The following ADGRG7 variants were observed in gnomAD, a reference collection of about 807,000 sequenced individuals.
The protein encoded by ADGRG7 is G-protein coupled receptor 128.
A neutral mutation model predicts 88.6 loss-of-function variants in ADGRG7; 82 were observed. The observed-to-expected ratio is 0.93, with a 90% CI of 0.77 to 1.11. The LOEUF (loss-of-function observed/expected upper bound fraction) is 1.11. ADGRG7 is among the 50% of genes most tolerant of loss of function. The pLI is 0.00. For missense variants in ADGRG7, 945 were observed against 953.4 expected, an observed-to-expected ratio of 0.99 and a Z score of 0.12; for synonymous variants, 381 against 345.2, an observed-to-expected ratio of 1.10 and a Z score of -1.15.
chr3:100,628,773 A>G (rs190863002), intron 1 of ADGRG7, among the ~76,000 whole-genome samples: 8 of 152,314 alleles, frequency 5.3e-5, no homozygotes, highest in Non-Finnish European at 7.3e-5. Flanking sequence ...TTTCTCAGGT[A>G]TGCTTCCTGA....
chr3:100,691,836 A>C (rs940453938), intron 15 of ADGRG7, among the ~76,000 whole-genome samples: 1 of 151,878 alleles, frequency 6.6e-6, no homozygotes, highest in Admixed American at 6.6e-5. Flanking sequence ...TTACCCTATA[A>C]AATTAACTTT....
intron 15 of ADGRG7, among the ~76,000 whole-genome samples, chr3:100,672,858 T>C (rs939181679): frequency 2.0e-5 from 3 of 152,176 alleles, no homozygotes; most frequent in African/African-American, 7.2e-5. Context: ...ATGGATTACA[T>C]TTGTTGATTT....
chr3:100,668,986 A>G lies in ADGRG7; in HGVS notation c.2017A>G (p.Thr673Ala). 1 of 1,603,742 alleles carries G rather than the reference A, an allele frequency of 6.2e-7. No individual in the cohort carries two copies. Among genetic ancestry groups the G allele is most frequent in the Non-Finnish European group, 8.5e-7 (1 of 1,176,272 alleles). Residue 673 changes from threonine to alanine, a missense_variant, in exon 15 of 16, where the codon ACA becomes GCA. Physicochemically the swap from Thr to Ala is moderately conservative, Grantham distance 58. Transcript: ENST00000273352. Reference protein sequence around the residue: ...KVSSMKKIVSTLSVAVVFGIT... With the variant: ...KVSSMKKIVSALSVAVVFGIT... Reference sequence around the variant, plus strand: ...TTCATCCATGAAGAAGATTGTTAGCACATTATCTGTTGCAGTTGTTTTTGG... The same window carrying G: ...TTCATCCATGAAGAAGATTGTTAGCGCATTATCTGTTGCAGTTGTTTTTGG...
At chr3:100,686,616 T>C (rs537195573) in intron 15 of ADGRG7, among the ~76,000 whole-genome samples, 53 of 152,280 alleles carry the variant, frequency 3.5e-4, no homozygotes, top group African/African-American at 1.2e-3. Flanking sequence ...TTCCCAGCAC[T>C]ATTTATTAAA....
At chr3:100,690,653 G>C (rs1020411993) in intron 15 of ADGRG7, among the ~76,000 whole-genome samples, 3 of 152,158 alleles carry the variant, frequency 2.0e-5, no homozygotes, top group Non-Finnish European at 2.9e-5. Flanking sequence ...TGTTTGCCTG[G>C]GTATCAGCAG....
At position 100,646,724 on chromosome 3, in the gene ADGRG7, G is replaced by A. The variant is rs766345376; in HGVS notation, c.1266G>A (p.Met422Ile). 5 of 1,613,542 alleles carry A rather than the reference G, an allele frequency of 3.1e-6. No individual in the cohort carries two copies. The highest frequency in any genetic ancestry group is 4.2e-6 in the Non-Finnish European group (5 of 1,179,622). ...CNHTTNFAVLMTFKKDYQYPK... is the reference protein window; with the variant it reads ...CNHTTNFAVLITFKKDYQYPK... ...ATACTACTAATTTTGCTGTATTAATGGTAAGGATATACATAGCAATCTCTT... is the reference window on the plus strand; with the variant it reads ...ATACTACTAATTTTGCTGTATTAATAGTAAGGATATACATAGCAATCTCTT... The change falls in exon 10 of 16, where the codon ATG (methionine) becomes ATA (isoleucine). Residue 422 changes from methionine (M) to isoleucine (I), a missense_variant and splice_region_variant. Transcript: ENST00000273352.
At chr3:100,631,171 A>G (rs1707455735) in intron 3 of ADGRG7, among the ~76,000 whole-genome samples, 1 of 151,914 alleles carries the variant, frequency 6.6e-6, no homozygotes, top group Non-Finnish European at 1.5e-5. Flanking sequence ...TATCATATCT[A>G]TTTTCAGATT....
At chr3:100,644,109 A>G (rs16842472) in intron 8 of ADGRG7, among the ~76,000 whole-genome samples, 3,537 of 152,184 alleles carry the variant, frequency 0.023, 111 homozygotes, top group African/African-American at 0.069. Context: ...GGTGCCCACC[A>G]TGTGCTCACT....
intron 1 of ADGRG7, among the ~76,000 whole-genome samples, chr3:100,610,506 AT>A (rs1707131495): frequency 6.6e-6 from 1 of 152,162 alleles, no homozygotes; most frequent in Admixed American, 6.5e-5. Context: ...CTAATCAAAA[AT>A]TTAAAAACCA....
chr3:100,687,682 T>C (rs2094985256), intron 15 of ADGRG7, among the ~76,000 whole-genome samples: 1 of 152,250 alleles, frequency 6.6e-6, no homozygotes, highest in Admixed American at 6.5e-5. Flanking sequence ...ATTATGTTTA[T>C]TGATTTTCGT....
At chr3:100,679,892 G>A (rs186873108) in intron 15 of ADGRG7, among the ~76,000 whole-genome samples, 9 of 152,248 alleles carry the variant, frequency 5.9e-5, no homozygotes, top group Admixed American at 5.9e-4. Flanking sequence ...TAAATTTATT[G>A]AGTCTGGTTT....
At chr3:100,629,992 T>A (rs928074808) in intron 2 of ADGRG7, among the ~76,000 whole-genome samples, 1 of 152,148 alleles carries the variant, frequency 6.6e-6, no homozygotes, top group Non-Finnish European at 1.5e-5. Context: ...TCCAGGGCAA[T>A]GAATGACATG....
chr3:100,650,625 A>C (rs190658580), intron 11 of ADGRG7, among the ~76,000 whole-genome samples: 1 of 152,180 alleles, frequency 6.6e-6, no homozygotes. Context: ...TTTTAGTGTG[A>C]CACAACAAGA....
At chr3:100,661,308 A>T (rs1156590433) in intron 14 of ADGRG7, among the ~76,000 whole-genome samples, 2 of 152,268 alleles carry the variant, frequency 1.3e-5, no homozygotes, top group East Asian at 3.9e-4. Flanking sequence ...ACTTAATAAA[A>T]GCAAGCATGT....
intron 15 of ADGRG7, among the ~76,000 whole-genome samples, chr3:100,685,928 T>C (rs1302486865): frequency 6.6e-6 from 1 of 151,510 alleles, no homozygotes; most frequent in African/African-American, 2.4e-5. Flanking sequence ...TTTCTAGTTC[T>C]AGATCCCTGA....
intron 10 of ADGRG7, 37 bp from the exon 11 acceptor site, chr3:100,649,658 G>T: frequency 8.9e-7 from 1 of 1,119,592 alleles, no homozygotes; most frequent in South Asian, 1.3e-5. Flanking sequence ...CTTCAGGGAT[G>T]ACTAATTAAA....
chr3:100,656,116 A>G (rs2094937180), intron 13 of ADGRG7, 121 bp downstream of exon 13: 1 of 542,972 alleles, frequency 1.8e-6, no homozygotes, highest in Non-Finnish European at 3.4e-6. Flanking sequence ...GTTTAGTGGT[A>G]GACATTTGAA....
chr3:100,663,238 T>C (rs1056066752), intron 14 of ADGRG7, among the ~76,000 whole-genome samples: 3 of 152,204 alleles, frequency 2.0e-5, no homozygotes, highest in Non-Finnish European at 4.4e-5. Context: ...AATAAGGAAC[T>C]TCATTTAAAA....
At chr3:100,652,799 A>G (rs2094931702) in intron 11 of ADGRG7, among the ~76,000 whole-genome samples, 1 of 151,840 alleles carries the variant, frequency 6.6e-6, no homozygotes, top group South Asian at 2.1e-4. Flanking sequence ...ACACTCATAC[A>G]CATTCACTCA....
Sources: allele counts gnomAD v4.1 joint callset (sites outside exome capture counted in the v4.1 genomes callset), GRCh38; gene constraint gnomAD v4.1.1; transcripts MANE v1.5; gene names NCBI Gene and HGNC (gene_info 2026-07-23, HGNC 2026-07-21).